USH2A: variants seen among roughly 807,000 people sequenced by gnomAD.
USH2A encodes the protein Usher syndrome 2A (autosomal recessive, mild).
Under a neutral mutation model 538.9 loss-of-function variants are expected in USH2A, and 443 were observed. The observed-to-expected ratio is 0.82, with a 90% CI of 0.76 to 0.89. The LOEUF (loss-of-function observed/expected upper bound fraction) is 0.89. USH2A is among the 40% of genes least tolerant of loss of function. USH2A has a pLI of 0.00. For missense variants in USH2A, 6,633 were observed against 6,324.8 expected (o/e 1.05, Z -1.65); for synonymous variants, 2,413 against 2,273.5 (o/e 1.06, Z -1.75).
intron 60 of USH2A, among the ~76,000 whole-genome samples, chr1:215,731,493 A>G (rs1659993709): frequency 6.6e-6 from 1 of 152,214 alleles, no homozygotes; most frequent in Non-Finnish European, 1.5e-5. Flanking sequence ...TCACATTTTC[A>G]GTTCTCTCTG....
rs6687555 is a variant in USH2A, at chr1:215,959,406, T to C, written c.7120+5911A>G. Among the ~76,000 whole-genome samples, 1,316 of 152,224 alleles carry C rather than the reference T, an allele frequency of 8.6e-3. 23 individuals carry two copies. The highest frequency in any genetic ancestry group is 0.03 in the African/African-American group (1,232 of 41,552). ...ATTGTTCTTTCTATCTTCCATTTCC[T>C]TTCTTTCCCGGTCCTTACCTTCCAC... On this transcript the variant is annotated intron_variant, in intron 37 of 71. Transcript: ENST00000307340.
intron 47 of USH2A, among the ~76,000 whole-genome samples, chr1:215,818,119 T>C (rs1662910622): frequency 6.6e-6 from 1 of 151,940 alleles, no homozygotes; most frequent in African/African-American, 2.4e-5. Flanking sequence ...TTTTAATCAG[T>C]TTTTTATGTT....
chr1:215,964,051 G>A (rs1444067208), intron 37 of USH2A, among the ~76,000 whole-genome samples: 3 of 152,102 alleles, frequency 2.0e-5, no homozygotes, highest in Admixed American at 6.6e-5. Context: ...CCGTTTTGAT[G>A]GTTTGAGAGA....
At chr1:216,315,978 A>G (rs2037500830) in intron 9 of USH2A, among the ~76,000 whole-genome samples, 1 of 152,110 alleles carries the variant, frequency 6.6e-6, no homozygotes, top group Admixed American at 6.6e-5. Flanking sequence ...TAAATTAAGC[A>G]TTTACTGCTT....
At chr1:216,017,266 C>A in intron 32 of USH2A, among the ~76,000 whole-genome samples, 1 of 152,104 alleles carries the variant, frequency 6.6e-6, no homozygotes, top group Non-Finnish European at 1.5e-5. Context: ...CACGCACACA[C>A]ACAAACATCC....
At position 215,981,251 on chromosome 1, in the gene USH2A, T is replaced by G. The variant is rs1397227647; in HGVS notation, c.6806-10475A>C. ...TTCTTTTGTGAAATGACTTTTCAGA[T>G]GTTAACTCCAGTTTGTTATAGATGT... On this transcript the variant is annotated intron_variant, in intron 35 of 71. Transcript: ENST00000307340. Among the ~76,000 whole-genome samples, 8 of 152,168 alleles carry G rather than the reference T, an allele frequency of 5.3e-5. No homozygotes were observed. The East Asian group carries it at 1.5e-3, about 29-fold the overall frequency.
intron 14 of USH2A, among the ~76,000 whole-genome samples, chr1:216,218,091 T>C (rs2035379386): frequency 6.6e-6 from 1 of 152,142 alleles, no homozygotes; most frequent in Admixed American, 6.6e-5. Context: ...CAGGTTCAAA[T>C]ATTTTTGATG....
chr1:215,694,936 T>G (rs1350097423), intron 61 of USH2A, among the ~76,000 whole-genome samples: 2 of 152,238 alleles, frequency 1.3e-5, no homozygotes, highest in African/African-American at 4.8e-5. Context: ...TTTAGCAGTC[T>G]TCCTGTTAAT....
At position 216,207,351 on chromosome 1, in the gene USH2A, G is replaced by A; in HGVS notation, c.3238C>T (p.Pro1080Ser). The A allele has an allele frequency of 6.2e-7, 1 of 1,614,040 alleles. No individual in the cohort carries two copies. The change falls in exon 16 of 72, where the codon CCA becomes TCA. Residue 1080 changes from proline to serine, a missense_variant. Coordinates refer to ENST00000307340, the MANE Select transcript of USH2A (RefSeq NM_206933.4). ...CTGTAAGTAAGCCAGTGGGCATTTG[G>A]AGAATCAGGTGGACTCCAGGAGAGA... is the stretch of plus-strand genomic sequence containing the variant. ...INLSWSPPDS[P>S]NAHWLTYSLL...
rs2102821933 is a variant in USH2A, at chr1:215,844,490, T to C, written c.9062A>G (p.Gln3021Arg). 1 of 1,608,794 alleles carries C rather than the reference T, an allele frequency of 6.2e-7. No homozygotes were observed. Reference sequence around the variant, plus strand: ...GACAACCTCTGGAGGAAGCATGCCCTGAGGCTCTAGAATTAAAGGAAGAAA... The same window carrying C: ...GACAACCTCTGGAGGAAGCATGCCCCGAGGCTCTAGAATTAAAGGAAGAAA... ...LHATTCDGEP[Q>R]GMLPPEVVII... Residue 3021 changes from glutamine (Q) to arginine (R), a missense_variant, in exon 46 of 72, where the codon CAG becomes CGG. Physicochemically the swap from Gln to Arg is conservative, Grantham distance 43 (BLOSUM62 1). Transcript: ENST00000307340.
intron 9 of USH2A, among the ~76,000 whole-genome samples, chr1:216,309,756 G>C (rs1044803952): frequency 6.6e-6 from 1 of 151,968 alleles, no homozygotes; most frequent in African/African-American, 2.4e-5. Context: ...GATCATGAAT[G>C]GATGCTTGAT....
At chr1:215,761,362 G>A (rs537058247) in intron 56 of USH2A, among the ~76,000 whole-genome samples, 18 of 152,088 alleles carry the variant, frequency 1.2e-4, no homozygotes, top group South Asian at 1.0e-3. Flanking sequence ...TCTCTGTATC[G>A]CATGGCCTTT....
At chr1:215,764,859 A>G (rs564376246) in intron 56 of USH2A, among the ~76,000 whole-genome samples, 1 of 152,210 alleles carries the variant, frequency 6.6e-6, no homozygotes, top group African/African-American at 2.4e-5. Context: ...TTATATATAA[A>G]TGGCACTTAT....
At chr1:215,882,839 C>CTTTTT (rs1664950889) in intron 41 of USH2A, among the ~76,000 whole-genome samples, 1 of 152,086 alleles carries the variant, frequency 6.6e-6, no homozygotes, top group Non-Finnish European at 1.5e-5. Context: ...TTTGTTAATC[C>CTTTTT]TACTGACATT....
chr1:216,387,539 A>G (rs2809296), intron 3 of USH2A, among the ~76,000 whole-genome samples: 87,634 of 151,988 alleles, frequency 0.58, 26,658 homozygotes, highest in East Asian at 0.8. Context: ...TGTAATTATT[A>G]GCCATGAAAA....
intron 32 of USH2A, among the ~76,000 whole-genome samples, chr1:216,010,889 C>T (rs1275685881): frequency 1.3e-5 from 2 of 151,882 alleles, no homozygotes; most frequent in Non-Finnish European, 2.9e-5. Context: ...CGACCTTAAC[C>T]CACAAGTATA....
chr1:215,993,226 T>C (rs1245824014), intron 34 of USH2A, 59 bp from the exon 35 acceptor site: 2 of 1,612,996 alleles, frequency 1.2e-6, no homozygotes, highest in Non-Finnish European at 1.7e-6. Context: ...TTCATGAACA[T>C]TGAGGAAAGA....
intron 47 of USH2A, among the ~76,000 whole-genome samples, chr1:215,821,105 A>T (rs1435867661): frequency 1.3e-5 from 2 of 151,770 alleles, no homozygotes; most frequent in Non-Finnish European, 3.0e-5. Context: ...ATATACACCC[A>T]GTAGTGAATT....
chr1:216,236,296 G>A (rs1325189380), intron 13 of USH2A, among the ~76,000 whole-genome samples: 1 of 151,560 alleles, frequency 6.6e-6, no homozygotes, highest in Non-Finnish European at 1.5e-5. Flanking sequence ...TTTTCTCTAA[G>A]TTCCTAAGAC....
Sources: gnomAD v4.1 joint callset for allele counts (sites outside exome capture counted in the v4.1 genomes callset) on GRCh38, gnomAD v4.1.1 for gene constraint, MANE v1.5 for transcripts, NCBI Gene and HGNC (gene_info 2026-07-23, HGNC 2026-07-21) for gene names.